The following ALK variants were observed in gnomAD, a reference collection of about 807,000 sequenced individuals.
ALK encodes ALK receptor tyrosine kinase, also known as ALK tyrosine kinase receptor.
A neutral mutation model predicts 163.1 loss-of-function variants in ALK; 74 were observed. The ratio of observed to expected loss-of-function variants is 0.45; its 90% confidence interval spans 0.38 to 0.55. The LOEUF is 0.55. ALK is among the 20% of genes least tolerant of loss of function. ALK has a pLI of 0.00. For synonymous variants in ALK, 960 were observed against 843.2 expected (o/e 1.14, Z -2.40); for missense variants, 2,063 against 2,105.3 (o/e 0.98, Z 0.39).
At chr2:29,904,906 G>C (rs1364053392) in intron 1 of ALK, among the ~76,000 whole-genome samples, 3 of 152,136 alleles carry the variant, frequency 2.0e-5, no homozygotes, top group African/African-American at 4.8e-5. Context: ...ACTCTGTCTG[G>C]GGGATTACAC....
intron 5 of ALK, among the ~76,000 whole-genome samples, chr2:29,367,678 G>A (rs1051381687): frequency 2.0e-5 from 3 of 152,162 alleles, no homozygotes; most frequent in Admixed American, 1.3e-4. Context: ...GGCAGTGCTC[G>A]GGACCTAGGG....
At chr2:29,234,878 A>G (rs575027423) in intron 13 of ALK, among the ~76,000 whole-genome samples, 5 of 152,100 alleles carry the variant, frequency 3.3e-5, no homozygotes, top group Non-Finnish European at 7.4e-5. Context: ...ATGCCCCGCT[A>G]ATTTTTGTAT....
In ALK at chr2:29,778,438, A is replaced by C. The variant is rs537309366; in HGVS notation, c.668-60741T>G. On this transcript the variant is annotated intron_variant, in intron 1 of 28. Coordinates refer to ENST00000389048, the MANE Select transcript of ALK (RefSeq NM_004304.5). Reference sequence around the variant, plus strand: ...TCAAATGCTAAATTTGGAGAAGATGACTTCCCAACAGAGCAGGAGGTGGAG... The same window carrying C: ...TCAAATGCTAAATTTGGAGAAGATGCCTTCCCAACAGAGCAGGAGGTGGAG... Among the ~76,000 whole-genome samples the C allele has an allele frequency of 3.3e-5, 5 of 152,330 alleles. No individual in the cohort carries two copies. The South Asian group carries it at 1.0e-3, about 32-fold the overall frequency.
At position 29,903,952 on chromosome 2, in the gene ALK, G is replaced by A. The variant is rs574754705; in HGVS notation, c.667+16041C>T. On this transcript the variant is annotated intron_variant, in intron 1 of 28. Coordinates refer to ENST00000389048, the MANE Select transcript of ALK (RefSeq NM_004304.5). ...TTTAATATGAAAAGGACAGAGATTA[G>A]AACTCACTTATTTGATATTACAGAA... Among the ~76,000 whole-genome samples the A allele has an allele frequency of 2.6e-5, 4 of 152,206 alleles. No homozygotes were observed. The East Asian group carries it at 7.7e-4, about 29-fold the overall frequency.
At chr2:29,525,380 C>G (rs1261786496) in intron 4 of ALK, among the ~76,000 whole-genome samples, 2 of 152,192 alleles carry the variant, frequency 1.3e-5, no homozygotes, top group African/African-American at 4.8e-5. Context: ...CCAATTCAAG[C>G]TGAGATGTTA....
At chr2:29,495,825 G>C (rs1672008605) in intron 4 of ALK, among the ~76,000 whole-genome samples, 1 of 152,202 alleles carries the variant, frequency 6.6e-6, no homozygotes, top group African/African-American at 2.4e-5. Flanking sequence ...GGAAGATGCT[G>C]TCAGGAGGTT....
chr2:29,874,083 A>C (rs942087054), intron 1 of ALK, among the ~76,000 whole-genome samples: 1 of 152,172 alleles, frequency 6.6e-6, no homozygotes, highest in Non-Finnish European at 1.5e-5. Context: ...TTAACTACTG[A>C]CCAAATATAG....
intron 3 of ALK, among the ~76,000 whole-genome samples, chr2:29,540,635 T>A (rs1323994335): frequency 6.6e-6 from 1 of 151,626 alleles, no homozygotes. Flanking sequence ...ATAACTCTGT[T>A]ATGAGATTCC....
At chr2:29,876,507 A>G (rs1384672765) in intron 1 of ALK, among the ~76,000 whole-genome samples, 7 of 132,114 alleles carry the variant, frequency 5.3e-5, no homozygotes, top group South Asian at 2.5e-4. Flanking sequence ...TAATGGTGGT[A>G]ATGGTAATGA....
At chr2:29,725,020 T>C (rs1679529337) in intron 1 of ALK, among the ~76,000 whole-genome samples, 1 of 152,080 alleles carries the variant, frequency 6.6e-6, no homozygotes, top group African/African-American at 2.4e-5. Context: ...GTTCACTCAA[T>C]GGTGAAGGAC....
rs540459032 is a variant in ALK, at chr2:29,907,797, T to C, written c.667+12196A>G. Among the ~76,000 whole-genome samples the C allele has an allele frequency of 2.6e-5, 4 of 152,318 alleles. No homozygotes were observed. In the South Asian group the frequency reaches 8.3e-4, roughly 32 times the overall value. ...CCATTCCTGCTTCAGGCCCATGCTTTCATGTGCATCCCAGATACCCTCATC... is the reference window on the plus strand; with the variant it reads ...CCATTCCTGCTTCAGGCCCATGCTTCCATGTGCATCCCAGATACCCTCATC... On this transcript the variant is annotated intron_variant, in intron 1 of 28. Transcript: ENST00000389048.
chr2:29,510,108 A>G (rs1228019704), intron 4 of ALK, among the ~76,000 whole-genome samples: 1 of 152,176 alleles, frequency 6.6e-6, no homozygotes, highest in African/African-American at 2.4e-5. Flanking sequence ...CTCACAGGGA[A>G]GGAGAAGAAA....
At chr2:29,208,069 T>C in intron 25 of ALK, 1 of 441,744 alleles carries the variant, frequency 2.3e-6, no homozygotes, top group Middle Eastern at 3.3e-4. Flanking sequence ...AGGACATAAA[T>C]AGGTCAGTCT....
chr2:29,744,495 G>A (rs1163113476), intron 1 of ALK, among the ~76,000 whole-genome samples: 1 of 152,116 alleles, frequency 6.6e-6, no homozygotes, highest in Non-Finnish European at 1.5e-5. Flanking sequence ...GCTCGCTTGG[G>A]TCATTCAAAG....
At chr2:29,499,066 C>A (rs1038217736) in intron 4 of ALK, among the ~76,000 whole-genome samples, 1 of 152,184 alleles carries the variant, frequency 6.6e-6, no homozygotes, top group Non-Finnish European at 1.5e-5. Context: ...TGGAATGAGA[C>A]CTGTGGTGGC....
intron 3 of ALK, among the ~76,000 whole-genome samples, chr2:29,670,511 G>C (rs1243611881): frequency 6.6e-6 from 1 of 151,944 alleles, no homozygotes; most frequent in African/African-American, 2.4e-5. Flanking sequence ...TATTTGGGTT[G>C]ATTCTGGTGT....
At chr2:29,243,286 C>G (rs940395620) in intron 12 of ALK, among the ~76,000 whole-genome samples, 1 of 152,320 alleles carries the variant, frequency 6.6e-6, no homozygotes, top group East Asian at 1.9e-4. Context: ...TTACCTCTCC[C>G]CAGTCCTGGC....
chr2:29,883,800 T>A lies in ALK; in HGVS notation c.667+36193A>T, dbSNP rs185703035. On this transcript the variant is annotated intron_variant, in intron 1 of 28. Transcript: ENST00000389048. Reference sequence around the variant, plus strand: ...TTTTTTCAATAAATATATTGGAAAATTTTTTGGAGATTTGTGACAGTTTGA... The same window carrying A: ...TTTTTTCAATAAATATATTGGAAAAATTTTTGGAGATTTGTGACAGTTTGA... 6.8e-3 allele frequency among the ~76,000 whole-genome samples: 1,033 copies of A among 152,280 alleles called. 7 individuals carry two copies. The highest frequency in any genetic ancestry group is 0.017 in the African/African-American group (714 of 41,554).
chr2:29,739,428 T>C (rs1224444172), intron 1 of ALK, among the ~76,000 whole-genome samples: 2 of 151,448 alleles, frequency 1.3e-5, no homozygotes, highest in Admixed American at 1.3e-4. Flanking sequence ...CGTGGTGGTA[T>C]GTGCCTGTAG....
Sources: gnomAD v4.1 joint callset for allele counts (sites outside exome capture counted in the v4.1 genomes callset) on GRCh38, gnomAD v4.1.1 for gene constraint, MANE v1.5 for transcripts, NCBI Gene and HGNC (gene_info 2026-07-23, HGNC 2026-07-21) for gene names.